TESK2: variants seen among roughly 807,000 people sequenced by gnomAD.
The protein encoded by TESK2 is dual specificity testis-specific protein kinase 2.
TESK2 carries 39 observed loss-of-function variants against 57.1 expected under a neutral mutation model. The ratio of observed to expected loss-of-function variants is 0.68; its 90% confidence interval spans 0.53 to 0.89. The LOEUF (loss-of-function observed/expected upper bound fraction) is 0.89, where lower values mean the gene tolerates loss of function less well. TESK2 is among the 40% of genes least tolerant of loss of function. The pLI, the probability that TESK2 is intolerant of heterozygous loss-of-function variation, is 0.00. For missense variants in TESK2, 646 were observed against 732.1 expected, an observed-to-expected ratio of 0.88 and a Z score of 1.36; for synonymous variants, 249 against 267.9, an observed-to-expected ratio of 0.93 and a Z score of 0.69.
chr1:45,466,998 A>G (rs780602866), intron 1 of TESK2, among the ~76,000 whole-genome samples: 1 of 152,136 alleles, frequency 6.6e-6, no homozygotes, highest in Non-Finnish European at 1.5e-5. Flanking sequence ...TATAGTGAAC[A>G]TCTAAAAGCA....
rs143643757 is a variant in TESK2, at chr1:45,384,826, C to T, written c.393+1086G>A. Among the ~76,000 whole-genome samples the T allele has an allele frequency of 5.0e-3, 763 of 151,898 alleles. 4 individuals carry two copies. The highest frequency in any genetic ancestry group is 0.018 in the African/African-American group (728 of 41,418). The stretch of plus-strand genomic sequence containing the variant: ...ACTTTGAGATACAGACAGATTCAAA[C>T]GTATGTAATCAAGACTTCAGAGGCC... On this transcript the variant is annotated intron_variant, in intron 4 of 10. Coordinates refer to ENST00000372086, the MANE Select transcript of TESK2 (RefSeq NM_007170.3).
chr1:45,389,223 G>C lies in TESK2; in HGVS notation c.345-3263C>G, dbSNP rs1570679111. ...GAATCCAGGAGTTCAAGACTAGCCT[G>C]GGCAATATAGGGAGACCTGAGACCT... On this transcript the variant is annotated intron_variant, in intron 3 of 10. Transcript: ENST00000372086. Among the ~76,000 whole-genome samples, 3 of 152,142 alleles carry C rather than the reference G, an allele frequency of 2.0e-5. No individual in the cohort carries two copies. The East Asian group carries it at 5.8e-4, about 29-fold the overall frequency.
At chr1:45,372,133 A>G (rs541691966) in intron 4 of TESK2, among the ~76,000 whole-genome samples, 1 of 152,250 alleles carries the variant, frequency 6.6e-6, no homozygotes, top group South Asian at 2.1e-4. Context: ...CTGTAGTATC[A>G]GCTACTCGAA....
At chr1:45,484,167 G>A (rs539090852) in intron 1 of TESK2, among the ~76,000 whole-genome samples, 3 of 145,834 alleles carry the variant, frequency 2.1e-5, no homozygotes, top group Admixed American at 7.0e-5. Flanking sequence ...GGAGTACAGC[G>A]GCGCGATCTC....
intron 4 of TESK2, among the ~76,000 whole-genome samples, chr1:45,363,987 A>G (rs541288218): frequency 1.3e-5 from 2 of 152,298 alleles, no homozygotes; most frequent in South Asian, 4.1e-4. Context: ...ATGTCAAGGA[A>G]AGTGCTCAAT....
intron 3 of TESK2, among the ~76,000 whole-genome samples, chr1:45,386,738 C>T (rs992007854): frequency 3.9e-5 from 6 of 151,980 alleles, no homozygotes; most frequent in Non-Finnish European, 8.8e-5. Context: ...ACTGCAACCT[C>T]CGCCTCCCGG....
chr1:45,387,743 T>C (rs1264206449), intron 3 of TESK2, among the ~76,000 whole-genome samples: 2 of 152,108 alleles, frequency 1.3e-5, no homozygotes, highest in Admixed American at 6.6e-5. Flanking sequence ...TTTCAACTAA[T>C]GTGGAAATAT....
At chr1:45,438,679 T>C (rs561946399) in intron 2 of TESK2, among the ~76,000 whole-genome samples, 73 of 152,264 alleles carry the variant, frequency 4.8e-4, no homozygotes, top group South Asian at 8.3e-4. Flanking sequence ...TTTTCCCTGA[T>C]CCTCTCCCTC....
intron 1 of TESK2, among the ~76,000 whole-genome samples, chr1:45,474,559 A>G (rs1308967133): frequency 1.3e-5 from 2 of 151,364 alleles, no homozygotes; most frequent in African/African-American, 2.4e-5. Flanking sequence ...TGCAATCTCC[A>G]CCTCCTGGGT....
At chr1:45,349,122 C>A (rs1318079617) in intron 5 of TESK2, among the ~76,000 whole-genome samples, 1 of 151,328 alleles carries the variant, frequency 6.6e-6, no homozygotes, top group Admixed American at 6.6e-5. Context: ...TGACCCAAAC[C>A]AGCCCTCCCT....
chr1:45,424,385 C>A (rs1650603000), intron 2 of TESK2, among the ~76,000 whole-genome samples: 1 of 152,158 alleles, frequency 6.6e-6, no homozygotes, highest in Non-Finnish European at 1.5e-5. Flanking sequence ...CTAAGGCAGG[C>A]AGAACACTGG....
At chr1:45,423,553 T>G (rs1650569049) in intron 2 of TESK2, among the ~76,000 whole-genome samples, 2 of 51,966 alleles carry the variant, frequency 3.8e-5, no homozygotes, top group Non-Finnish European at 8.7e-5. Flanking sequence ...CGAGATTCCG[T>G]CTCGCGAAAA....
In TESK2 at chr1:45,388,806, C is replaced by T. The variant is rs1000238386; in HGVS notation, c.345-2846G>A. Among the ~76,000 whole-genome samples the T allele has an allele frequency of 4.7e-5, 7 of 150,048 alleles. 1 individual carries two copies. Among genetic ancestry groups the T allele is most frequent in the Admixed American group, 2.7e-4 (4 of 14,964 alleles). Reference sequence around the variant, plus strand: ...CGCAATCTCGGCTCACTGCAAGCTCCGCCTCCCTGGTTCACGCCATTCTCC... The same window carrying T: ...CGCAATCTCGGCTCACTGCAAGCTCTGCCTCCCTGGTTCACGCCATTCTCC... On this transcript the variant is annotated intron_variant, in intron 3 of 10. Coordinates refer to ENST00000372086, the MANE Select transcript of TESK2 (RefSeq NM_007170.3).
chr1:45,441,023 A>C (rs1256925079), intron 2 of TESK2, among the ~76,000 whole-genome samples: 3 of 152,248 alleles, frequency 2.0e-5, no homozygotes, highest in Non-Finnish European at 4.4e-5. Flanking sequence ...CCTTCACTGT[A>C]GCTTTCAGAG....
At chr1:45,418,411 G>A (rs535756137) in intron 3 of TESK2, among the ~76,000 whole-genome samples, 1 of 152,272 alleles carries the variant, frequency 6.6e-6, no homozygotes, top group East Asian at 1.9e-4. Context: ...TCTAGTTTCT[G>A]CTCAGAATCC....
At chr1:45,386,892 T>C (rs12065863) in intron 3 of TESK2, among the ~76,000 whole-genome samples, 39,690 of 151,998 alleles carry the variant, frequency 0.26, 5,335 homozygotes, top group East Asian at 0.38. Context: ...GACCTTGTGA[T>C]CCACCCGCCT....
At chr1:45,485,530 T>A (rs1384836358) in intron 1 of TESK2, among the ~76,000 whole-genome samples, 1 of 149,146 alleles carries the variant, frequency 6.7e-6, no homozygotes, top group South Asian at 2.1e-4. Flanking sequence ...TTTATTTTTT[T>A]TTTTTTGAGA....
intron 4 of TESK2, among the ~76,000 whole-genome samples, chr1:45,384,615 T>A (rs11485675): frequency 5.9e-4 from 46 of 78,134 alleles, no homozygotes; most frequent in Admixed American, 8.8e-4. Flanking sequence ...TTTTTTTTTT[T>A]TTTTTTTTTT....
At chr1:45,374,591 G>C (rs1339746372) in intron 4 of TESK2, among the ~76,000 whole-genome samples, 1 of 151,712 alleles carries the variant, frequency 6.6e-6, no homozygotes, top group Non-Finnish European at 1.5e-5. Context: ...TTTTATTTTT[G>C]TTACTCAGGA....
Sources: allele counts gnomAD v4.1 joint callset (sites outside exome capture counted in the v4.1 genomes callset), GRCh38; gene constraint gnomAD v4.1.1; transcripts MANE v1.5; gene names NCBI Gene and HGNC (gene_info 2026-07-23, HGNC 2026-07-21).